Variants in CREB5 observed in about 807,000 individuals in gnomAD.
CREB5 encodes the protein cyclic AMP-responsive element-binding protein 5.
CREB5 carries 19 observed loss-of-function variants against 57.1 expected under a neutral mutation model. The observed-to-expected ratio is 0.33, with a 90% CI of 0.23 to 0.49. CREB5 has a LOEUF of 0.49. Ranked by LOEUF, CREB5 falls within the 20% of genes least tolerant of loss-of-function variation. CREB5 has a pLI of 0.99. For missense variants in CREB5, 579 were observed against 671.6 expected (o/e 0.86, Z 1.52); for synonymous variants, 238 against 238.3 (o/e 1.00, Z 0.01).
chr7:28,420,300 T>C (rs919109166), intron 1 of CREB5, among the ~76,000 whole-genome samples: 10 of 152,236 alleles, frequency 6.6e-5, no homozygotes, highest in African/African-American at 2.2e-4. Context: ...AACGTGGTTG[T>C]ATCTTTAAAA....
upstream of CREB5, chr7:28,410,219 G>T (rs956740960): frequency 4.4e-6 from 2 of 453,868 alleles, no homozygotes; most frequent in Admixed American, 4.7e-5. Context: ...GGCGCTCCGG[G>T]CTGGAGAGCG....
At chr7:28,616,798 G>T (rs1797612129) in intron 5 of CREB5, among the ~76,000 whole-genome samples, 1 of 152,158 alleles carries the variant, frequency 6.6e-6, no homozygotes, top group African/African-American at 2.4e-5. Flanking sequence ...AAAAAAACAA[G>T]TCCATGTTAG....
At chr7:28,578,161 A>C (rs1191071854) in intron 5 of CREB5, among the ~76,000 whole-genome samples, 2 of 152,216 alleles carry the variant, frequency 1.3e-5, no homozygotes, top group Non-Finnish European at 2.9e-5. Context: ...AGCCTTGGAT[A>C]AGGTGCCATG....
intron 7 of CREB5, among the ~76,000 whole-genome samples, chr7:28,790,370 G>A (rs921159806): frequency 1.3e-5 from 2 of 150,020 alleles, no homozygotes; most frequent in Non-Finnish European, 3.0e-5. Context: ...TCTACTTCCC[G>A]TAGTGAATGG....
chr7:28,608,397 T>C (rs1018461376), intron 5 of CREB5, among the ~76,000 whole-genome samples: 3 of 152,176 alleles, frequency 2.0e-5, no homozygotes. Flanking sequence ...CTGTTTTGTT[T>C]TGTTTTTAAA....
chr7:28,560,821 TGC>T (rs1169041503), intron 4 of CREB5, among the ~76,000 whole-genome samples: 14,008 of 59,990 alleles, frequency 0.23, 3,649 homozygotes, highest in South Asian at 0.36. Context: ...TGTGTGTGTG[TGC>T]GCGCGCGCGC....
intron 1 of CREB5, among the ~76,000 whole-genome samples, chr7:28,463,249 G>A (rs1790425611): frequency 1.3e-5 from 2 of 152,024 alleles, no homozygotes; most frequent in African/African-American, 4.8e-5. Context: ...ATAAATGTAA[G>A]GGTTACTTAT....
At chr7:28,460,668 G>T (rs1237581099) in intron 1 of CREB5, among the ~76,000 whole-genome samples, 2 of 152,160 alleles carry the variant, frequency 1.3e-5, no homozygotes, top group East Asian at 3.9e-4. Flanking sequence ...ATAGGAATTG[G>T]CAATAAGTAA....
At chr7:28,701,291 T>C (rs17729399) in intron 5 of CREB5, among the ~76,000 whole-genome samples, 30,082 of 152,146 alleles carry the variant, frequency 0.2, 3,251 homozygotes, top group Admixed American at 0.24. Flanking sequence ...CCTGAACCAG[T>C]GATTCTAATG....
intron 7 of CREB5, among the ~76,000 whole-genome samples, chr7:28,794,212 G>C (rs974186570): frequency 6.6e-6 from 1 of 152,202 alleles, no homozygotes; most frequent in South Asian, 2.1e-4. Flanking sequence ...TTTCTTCTTC[G>C]ATAAAAGCTG....
At chr7:28,507,535 G>C in intron 3 of CREB5, 81 bp from the exon 4 acceptor site, 2 of 1,496,870 alleles carry the variant, frequency 1.3e-6, no homozygotes, top group Non-Finnish European at 1.8e-6. Context: ...CAAGGGGAGG[G>C]GATTAGTGAA....
At chr7:28,547,989 A>C (rs1282749754) in intron 4 of CREB5, among the ~76,000 whole-genome samples, 1 of 152,210 alleles carries the variant, frequency 6.6e-6, no homozygotes, top group Non-Finnish European at 1.5e-5. Context: ...TAAGAATAGA[A>C]CTTGGGTCTT....
intron 5 of CREB5, among the ~76,000 whole-genome samples, chr7:28,693,079 C>T (rs924065944): frequency 6.6e-6 from 1 of 152,154 alleles, no homozygotes; most frequent in Non-Finnish European, 1.5e-5. Context: ...ACCCATCTAG[C>T]TAGCAACAAA....
At chr7:28,506,440 C>T (rs534684778) in intron 3 of CREB5, among the ~76,000 whole-genome samples, 2 of 152,128 alleles carry the variant, frequency 1.3e-5, no homozygotes, top group African/African-American at 4.8e-5. Context: ...TGGGAAAATG[C>T]CATAATTAAT....
intron 1 of CREB5, among the ~76,000 whole-genome samples, chr7:28,419,489 G>A (rs771447871): frequency 6.6e-6 from 1 of 152,206 alleles, no homozygotes; most frequent in Non-Finnish European, 1.5e-5. Flanking sequence ...TGCAATTTTC[G>A]ACCAGTGCCA....
intron 4 of CREB5, chr7:28,513,854 G>C (rs1025636160): frequency 2.0e-5 from 3 of 152,212 alleles, no homozygotes; most frequent in African/African-American, 7.2e-5. Flanking sequence ...CTCAGGTTCT[G>C]CTTCAACTTT....
intron 5 of CREB5, among the ~76,000 whole-genome samples, chr7:28,573,399 A>G (rs1312891739): frequency 6.6e-6 from 1 of 152,244 alleles, no homozygotes; most frequent in East Asian, 1.9e-4. Flanking sequence ...ACTGGCCAAG[A>G]AAAACAGCAA....
intron 4 of CREB5, among the ~76,000 whole-genome samples, chr7:28,548,404 T>C (rs1794496761): frequency 6.6e-6 from 1 of 152,192 alleles, no homozygotes; most frequent in South Asian, 2.1e-4. Flanking sequence ...TCTTCTAAAA[T>C]GTGTTAAACT....
intron 1 of CREB5, among the ~76,000 whole-genome samples, chr7:28,362,782 C>A (rs893433965): frequency 2.0e-5 from 3 of 152,122 alleles, no homozygotes; most frequent in African/African-American, 7.2e-5. Flanking sequence ...GAAAAACAAG[C>A]TTAGCAAATA....
Sources: gnomAD v4.1 joint callset for allele counts (sites outside exome capture counted in the v4.1 genomes callset) on GRCh38, gnomAD v4.1.1 for gene constraint, MANE v1.5 for transcripts, NCBI Gene and HGNC (gene_info 2026-07-23, HGNC 2026-07-21) for gene names.